The following ST6GAL1 variants were observed in gnomAD, a reference collection of about 807,000 sequenced individuals.
ST6GAL1 encodes beta-galactoside alpha-2,6-sialyltransferase 1.
ST6GAL1 carries 20 observed loss-of-function variants against 38.0 expected under a neutral mutation model. The observed-to-expected ratio is 0.53, with a 90% CI of 0.37 to 0.77. ST6GAL1 has a LOEUF of 0.77. Ranked by LOEUF, ST6GAL1 falls within the 30% of genes least tolerant of loss-of-function variation. ST6GAL1 has a pLI of 0.00. For missense variants in ST6GAL1, 432 were observed against 496.4 expected (o/e 0.87, Z 1.23); for synonymous variants, 196 against 188.2 (o/e 1.04, Z -0.34).
chr3:186,936,145 G>A (rs1713946023), intron 1 of ST6GAL1, among the ~76,000 whole-genome samples: 1 of 152,128 alleles, frequency 6.6e-6, no homozygotes, highest in Non-Finnish European at 1.5e-5. Flanking sequence ...AGAGAAAATT[G>A]ATCTAATTTG....
At chr3:187,053,956 G>A (rs1022651089) in intron 5 of ST6GAL1, among the ~76,000 whole-genome samples, 1 of 151,968 alleles carries the variant, frequency 6.6e-6, no homozygotes, top group Non-Finnish European at 1.5e-5. Context: ...CCATTTGTTT[G>A]TGTCCTCTTT....
At chr3:187,023,977 C>G (rs115815643) in intron 2 of ST6GAL1, among the ~76,000 whole-genome samples, 3,163 of 151,766 alleles carry the variant, frequency 0.021, 56 homozygotes, top group Middle Eastern at 0.034. Flanking sequence ...AGTAGAAGAA[C>G]TCAACCTTCC....
chr3:186,982,735 G>A (rs1184383595), intron 2 of ST6GAL1, among the ~76,000 whole-genome samples: 3 of 151,958 alleles, frequency 2.0e-5, no homozygotes, highest in Non-Finnish European at 4.4e-5. Flanking sequence ...AGGCTGCAGT[G>A]CAATGGTGTG....
At chr3:186,971,564 T>C (rs16861396) in intron 2 of ST6GAL1, among the ~76,000 whole-genome samples, 5,742 of 152,296 alleles carry the variant, frequency 0.038, 370 homozygotes, top group African/African-American at 0.13. Context: ...GATTTGGTGC[T>C]GACAAACCCC....
At chr3:187,069,801 C>T (rs1719299355) in intron 5 of ST6GAL1, among the ~76,000 whole-genome samples, 2 of 152,162 alleles carry the variant, frequency 1.3e-5, no homozygotes, top group South Asian at 4.1e-4. Flanking sequence ...CTTGCAATTC[C>T]CAAACAGGGT....
chr3:186,960,182 CAAG>C (rs1167178700), intron 1 of ST6GAL1, among the ~76,000 whole-genome samples: 2 of 152,192 alleles, frequency 1.3e-5, no homozygotes, highest in East Asian at 1.9e-4. Context: ...TTGCTGGAGG[CAAG>C]AAGGAGTCAC....
chr3:187,054,253 A>G (rs1467302950), intron 5 of ST6GAL1, among the ~76,000 whole-genome samples: 1 of 152,198 alleles, frequency 6.6e-6, no homozygotes, highest in Non-Finnish European at 1.5e-5. Flanking sequence ...AAACAGGGAC[A>G]GTTCGACTTC....
chr3:187,023,388 G>A (rs936703522), intron 2 of ST6GAL1, among the ~76,000 whole-genome samples: 1 of 152,164 alleles, frequency 6.6e-6, no homozygotes, highest in Non-Finnish European at 1.5e-5. Flanking sequence ...AGGGGTTAGG[G>A]ATTTCTGGCT....
At chr3:186,939,547 C>G (rs1159011380) in intron 1 of ST6GAL1, among the ~76,000 whole-genome samples, 1 of 152,158 alleles carries the variant, frequency 6.6e-6, no homozygotes, top group Non-Finnish European at 1.5e-5. Flanking sequence ...TTTCTTGGAG[C>G]ATATTTGTAA....
At chr3:186,943,389 T>G (rs1287912617) in intron 1 of ST6GAL1, among the ~76,000 whole-genome samples, 1 of 152,246 alleles carries the variant, frequency 6.6e-6, no homozygotes, top group Non-Finnish European at 1.5e-5. Context: ...AACCATTACA[T>G]GTGTTATTTA....
At chr3:186,949,465 C>T (rs1370351391) in intron 1 of ST6GAL1, among the ~76,000 whole-genome samples, 1 of 152,170 alleles carries the variant, frequency 6.6e-6, no homozygotes, top group South Asian at 2.1e-4. Flanking sequence ...CTTGTGACGG[C>T]TCCTTTTTTG....
At chr3:187,066,559 C>G (rs1301966283) in intron 5 of ST6GAL1, among the ~76,000 whole-genome samples, 2 of 151,426 alleles carry the variant, frequency 1.3e-5, no homozygotes, top group African/African-American at 4.9e-5. Flanking sequence ...GAAAAAAGTC[C>G]AAAATATGCA....
chr3:187,049,322 T>G (rs1245330272), intron 4 of ST6GAL1, among the ~76,000 whole-genome samples: 2 of 152,234 alleles, frequency 1.3e-5, no homozygotes, highest in African/African-American at 4.8e-5. Context: ...TCCGCCATGT[T>G]TCGCCTTGCA....
rs979593967 is a variant in ST6GAL1, at chr3:186,930,700, C to G, written c.-459C>G. 7 of 152,414 alleles carry G rather than the reference C, an allele frequency of 4.6e-5. No homozygotes were observed. The highest frequency in any genetic ancestry group is 1.7e-4 in the African/African-American group (7 of 41,452). 9.4% of individuals were successfully genotyped at this position (152,414 alleles called of 1,614,324 possible). On this transcript the variant is annotated 5_prime_UTR_variant, in exon 1 of 8. Transcript: ENST00000169298. ...GGGGGAGGGGAGTCCTGGGCAGGGC[C>G]GGGCTGGGGAAGACGCCTGGGGCAC...
chr3:186,960,209 G>A (rs145628616), intron 1 of ST6GAL1, among the ~76,000 whole-genome samples: 2,014 of 152,308 alleles, frequency 0.013, 52 homozygotes, highest in African/African-American at 0.046. Flanking sequence ...GCCCAAGGCA[G>A]CCTCTCATTT....
chr3:186,931,759 G>A (rs915793461), intron 1 of ST6GAL1, among the ~76,000 whole-genome samples: 4 of 152,232 alleles, frequency 2.6e-5, no homozygotes, highest in African/African-American at 7.2e-5. Flanking sequence ...AGACACCCCA[G>A]ATGTCACTAG....
At chr3:187,066,318 C>T (rs879569597) in intron 5 of ST6GAL1, among the ~76,000 whole-genome samples, 18 of 152,128 alleles carry the variant, frequency 1.2e-4, no homozygotes, top group Non-Finnish European at 2.5e-4. Context: ...CTTCACATGG[C>T]TTTTCCTCTG....
At chr3:187,058,558 A>G (rs2108592837) in intron 5 of ST6GAL1, among the ~76,000 whole-genome samples, 1 of 152,116 alleles carries the variant, frequency 6.6e-6, no homozygotes, top group South Asian at 2.1e-4. Context: ...TCACCGTCAC[A>G]TCTTCTAGTC....
At position 187,046,976 on chromosome 3, in the gene ST6GAL1, T is replaced by C. The variant is rs111940301; in HGVS notation, c.607+3666T>C. ...TTTTGTTTTGTTTTTGACGGAGTCT[T>C]GCTCTGTTGCCCAGGCTGGAGTGCA... On this transcript the variant is annotated intron_variant, in intron 4 of 7. Transcript: ENST00000169298. Among the ~76,000 whole-genome samples the C allele has an allele frequency of 1.0e-3, 153 of 152,326 alleles. 1 individual carries two copies. The Middle Eastern group carries it at 0.02, about 20-fold the overall frequency.
Sources: gnomAD v4.1 joint callset for allele counts (sites outside exome capture counted in the v4.1 genomes callset) on GRCh38, gnomAD v4.1.1 for gene constraint, MANE v1.5 for transcripts, NCBI Gene and HGNC (gene_info 2026-07-23, HGNC 2026-07-21) for gene names.